Variants in ACSS3 observed in about 807,000 individuals in gnomAD.
ACSS3 encodes the protein acyl-CoA synthetase short chain family member 3.
Under a neutral mutation model 84.2 loss-of-function variants are expected in ACSS3, and 64 were observed. The observed-to-expected ratio is 0.76, with a 90% CI of 0.62 to 0.94. The LOEUF is 0.94. ACSS3 is among the 40% of genes least tolerant of loss of function. The pLI is 0.00. For synonymous variants in ACSS3, 317 were observed against 310.1 expected (o/e 1.02, Z -0.23); for missense variants, 815 against 867.6 (o/e 0.94, Z 0.76).
At chr12:81,203,106 C>T (rs1404725262) in intron 9 of ACSS3, among the ~76,000 whole-genome samples, 6 of 152,222 alleles carry the variant, frequency 3.9e-5, no homozygotes, top group African/African-American at 1.4e-4. Context: ...AGTTTAAGAC[C>T]AGAGGCTTGA....
intron 1 of ACSS3, among the ~76,000 whole-genome samples, chr12:81,080,998 G>A (rs966987568): frequency 3.3e-5 from 5 of 152,168 alleles, no homozygotes; most frequent in African/African-American, 4.8e-5. Context: ...GATTGCTATA[G>A]CTAATTGTTC....
intron 9 of ACSS3, among the ~76,000 whole-genome samples, chr12:81,204,106 T>G (rs1373078950): frequency 6.6e-6 from 1 of 152,054 alleles, no homozygotes; most frequent in Non-Finnish European, 1.5e-5. Context: ...GAACTGTCAG[T>G]GCAGTGCATG....
intron 7 of ACSS3, among the ~76,000 whole-genome samples, chr12:81,153,465 T>C (rs1886716472): frequency 6.6e-6 from 1 of 151,934 alleles, no homozygotes; most frequent in South Asian, 2.1e-4. Flanking sequence ...AATAATACAC[T>C]TAAAGTGCAG....
At chr12:81,103,307 A>G (rs1882684450) in intron 1 of ACSS3, among the ~76,000 whole-genome samples, 1 of 152,222 alleles carries the variant, frequency 6.6e-6, no homozygotes, top group Non-Finnish European at 1.5e-5. Context: ...GTATTTTTAC[A>G]GTGAGCATTA....
intron 1 of ACSS3, among the ~76,000 whole-genome samples, chr12:81,081,259 C>T (rs150187545): frequency 1.1e-3 from 172 of 152,178 alleles, no homozygotes; most frequent in African/African-American, 3.9e-3. Context: ...TCTTTAAGGG[C>T]GATATATGGA....
rs771558495 is a variant in ACSS3 at position 81,253,297 on chromosome 12, C to G, written c.1720-10C>G. On this transcript the variant is annotated splice_polypyrimidine_tract_variant and intron_variant, in intron 13 of 15. Coordinates refer to ENST00000548058, the MANE Select transcript of ACSS3 (RefSeq NM_024560.4). Reference sequence around the variant, plus strand: ...AATGTATTCTAAATGAATGCCTTTCCTTATTACAGTCAATCCTTTCCCATG... The same window carrying G: ...AATGTATTCTAAATGAATGCCTTTCGTTATTACAGTCAATCCTTTCCCATG... 11 of 1,611,596 alleles carry G rather than the reference C, an allele frequency of 6.8e-6. No homozygotes were observed. Among genetic ancestry groups the G allele is most frequent in the Non-Finnish European group, 9.3e-6 (11 of 1,178,090 alleles).
Position 81,154,873 on chromosome 12 carries a change from C to G in ACSS3, c.1098+2777C>G, listed in dbSNP as rs550880292. On this transcript the variant is annotated intron_variant, in intron 7 of 15. Transcript: ENST00000548058. ...CTAATGTTCATGTTGTTTCTTTTTTCTGGTGTGACTTTCCTCCTGTCTTTC... is the reference window on the plus strand; with the variant it reads ...CTAATGTTCATGTTGTTTCTTTTTTGTGGTGTGACTTTCCTCCTGTCTTTC... Among the ~76,000 whole-genome samples, 15 of 152,128 alleles carry G rather than the reference C, an allele frequency of 9.9e-5. No individual in the cohort carries two copies. In the South Asian group the frequency reaches 1.2e-3, roughly 13 times the overall value.
At chr12:81,164,087 C>G (rs1887286207) in intron 7 of ACSS3, among the ~76,000 whole-genome samples, 1 of 152,174 alleles carries the variant, frequency 6.6e-6, no homozygotes, top group Admixed American at 6.5e-5. Flanking sequence ...CTGACTCACA[C>G]AAAGCAACTC....
chr12:81,116,424 C>T (rs115624489), intron 2 of ACSS3, among the ~76,000 whole-genome samples: 1 of 152,026 alleles, frequency 6.6e-6, no homozygotes, highest in Non-Finnish European at 1.5e-5. Flanking sequence ...ACAATACAAC[C>T]AATCCCTTGA....
chr12:81,105,073 C>A (rs1179427612), intron 1 of ACSS3, among the ~76,000 whole-genome samples: 1 of 151,924 alleles, frequency 6.6e-6, no homozygotes, highest in Admixed American at 6.6e-5. Flanking sequence ...ACACAAAGAT[C>A]CAAAAATTAT....
chr12:81,090,239 A>C (rs1217522019), intron 1 of ACSS3, among the ~76,000 whole-genome samples: 1 of 151,718 alleles, frequency 6.6e-6, no homozygotes, highest in Non-Finnish European at 1.5e-5. Context: ...TTATCTTAAA[A>C]CCTTTAGTGG....
intron 1 of ACSS3, among the ~76,000 whole-genome samples, chr12:81,089,977 T>C (rs1228893066): frequency 6.6e-6 from 1 of 152,044 alleles, no homozygotes; most frequent in African/African-American, 2.4e-5. Context: ...ATTTCAGTTA[T>C]AAGTTGTAAT....
chr12:81,127,609 T>C (rs1040736433), intron 2 of ACSS3, among the ~76,000 whole-genome samples: 10 of 152,210 alleles, frequency 6.6e-5, no homozygotes, highest in African/African-American at 2.4e-4. Context: ...GATATTATAA[T>C]TGGTTTTTAA....
At chr12:81,133,781 A>G (rs998972824) in intron 2 of ACSS3, among the ~76,000 whole-genome samples, 4 of 152,124 alleles carry the variant, frequency 2.6e-5, no homozygotes, top group African/African-American at 9.7e-5. Flanking sequence ...AAGTATAAGT[A>G]CTTGCAGGGT....
At chr12:81,198,951 T>C (rs952215277) in intron 8 of ACSS3, among the ~76,000 whole-genome samples, 2 of 152,244 alleles carry the variant, frequency 1.3e-5, no homozygotes, top group Admixed American at 6.5e-5. Context: ...TATGTATTTT[T>C]TGTGTATATC....
chr12:81,131,593 C>G (rs1021183871), intron 2 of ACSS3, among the ~76,000 whole-genome samples: 3 of 152,182 alleles, frequency 2.0e-5, no homozygotes, highest in Admixed American at 6.5e-5. Flanking sequence ...TTGACTTACT[C>G]TTTTTCTAAT....
Position 81,257,876 on chromosome 12 carries a change from A to G in ACSS3, c.*2954A>G, listed in dbSNP as rs1016182086. On this transcript the variant is annotated 3_prime_UTR_variant, in exon 16 of 16. Coordinates refer to ENST00000548058, the MANE Select transcript of ACSS3 (RefSeq NM_024560.4). ...AAATACCTGGATCTTTTGCATCACT[A>G]TATGTTAGTGTCTATTATAGATGAT... is the stretch of plus-strand genomic sequence containing the variant. 2 of 152,098 alleles carry G rather than the reference A, an allele frequency of 1.3e-5. No homozygotes were observed. Among genetic ancestry groups the G allele is most frequent in the Non-Finnish European group, 2.9e-5 (2 of 68,006 alleles). The allele number at this position is 152,098 out of a possible 1,614,324, so 9.4% of individuals were successfully genotyped here.
At chr12:81,229,881 G>A (rs2033396574) in intron 11 of ACSS3, among the ~76,000 whole-genome samples, 1 of 131,414 alleles carries the variant, frequency 7.6e-6, no homozygotes, top group African/African-American at 2.5e-5. Context: ...CTGCTGGGCT[G>A]CCCAAAGAGG....
intron 5 of ACSS3, among the ~76,000 whole-genome samples, chr12:81,145,785 C>G (rs910897732): frequency 2.6e-5 from 4 of 152,116 alleles, no homozygotes; most frequent in African/African-American, 9.7e-5. Flanking sequence ...CATGAAGATG[C>G]CCAGTCAAGA....
Sources: gnomAD v4.1 joint callset for allele counts (sites outside exome capture counted in the v4.1 genomes callset) on GRCh38, gnomAD v4.1.1 for gene constraint, MANE v1.5 for transcripts, NCBI Gene and HGNC (gene_info 2026-07-23, HGNC 2026-07-21) for gene names.